Variants in PAN3 observed in about 807,000 individuals in gnomAD.
The protein encoded by PAN3 is PAN2-PAN3 deadenylation complex subunit PAN3.
PAN3 carries 19 observed loss-of-function variants against 96.2 expected under a neutral mutation model. The observed-to-expected ratio is 0.20, with a 90% confidence interval of 0.14 to 0.29. The LOEUF is 0.29. Among genes scored for constraint, PAN3 ranks in the 10% least tolerant of loss-of-function variants. The pLI, the probability that PAN3 is intolerant of heterozygous loss-of-function variation, is 1.00. For missense variants in PAN3, 882 were observed against 1,108.1 expected, an observed-to-expected ratio of 0.80 and a Z score of 2.90; for synonymous variants, 433 against 406.6, an observed-to-expected ratio of 1.06 and a Z score of -0.78.
At chr13:28,175,613 T>C (rs1382219217) in intron 2 of PAN3, among the ~76,000 whole-genome samples, 1 of 152,192 alleles carries the variant, frequency 6.6e-6, no homozygotes, top group African/African-American at 2.4e-5. Flanking sequence ...ACCAATGCTT[T>C]TTTGAATTAT....
chr13:28,141,376 A>G (rs1869783179), intron 1 of PAN3, among the ~76,000 whole-genome samples: 1 of 151,796 alleles, frequency 6.6e-6, no homozygotes, highest in South Asian at 2.1e-4. Flanking sequence ...TTTTTAAAAA[A>G]AACTTTTAAA....
chr13:28,261,935 T>A (rs1337516339), intron 9 of PAN3, among the ~76,000 whole-genome samples: 1 of 151,968 alleles, frequency 6.6e-6, no homozygotes, highest in African/African-American at 2.4e-5. Flanking sequence ...AAAAAAAGTA[T>A]ATAATTTTAG....
intron 9 of PAN3, among the ~76,000 whole-genome samples, chr13:28,262,291 G>T (rs1261496879): frequency 6.6e-6 from 1 of 152,086 alleles, no homozygotes; most frequent in Admixed American, 6.5e-5. Flanking sequence ...GCGTATTAAA[G>T]TATCTTTCCT....
At chr13:28,274,732 T>TC (rs1391872231) in intron 14 of PAN3, among the ~76,000 whole-genome samples, 1 of 152,230 alleles carries the variant, frequency 6.6e-6, no homozygotes, top group Admixed American at 6.5e-5. Flanking sequence ...TTTATTTTTT[T>TC]CAGCATTAAA....
intron 6 of PAN3, among the ~76,000 whole-genome samples, chr13:28,249,391 C>T (rs1276896172): frequency 2.0e-5 from 3 of 151,908 alleles, no homozygotes; most frequent in Admixed American, 2.0e-4. Flanking sequence ...ACCATTCATG[C>T]TTTAACTAAG....
At chr13:28,272,820 C>T (rs1296687432) in intron 14 of PAN3, among the ~76,000 whole-genome samples, 2 of 152,126 alleles carry the variant, frequency 1.3e-5, no homozygotes, top group African/African-American at 4.8e-5. Flanking sequence ...CCGCCTGCCT[C>T]GGCCTCCCAA....
chr13:28,263,034 TC>T (rs1161887630), intron 9 of PAN3, among the ~76,000 whole-genome samples: 1 of 152,176 alleles, frequency 6.6e-6, no homozygotes, highest in African/African-American at 2.4e-5. Context: ...AAGCATAACT[TC>T]CAGTCAAATC....
chr13:28,207,192 A>G (rs1212353885), intron 5 of PAN3, among the ~76,000 whole-genome samples: 1 of 152,156 alleles, frequency 6.6e-6, no homozygotes, highest in Non-Finnish European at 1.5e-5. Flanking sequence ...TTGGTTATTG[A>G]TATCATTTGG....
chr13:28,222,003 A>C (rs1173974785), intron 6 of PAN3, among the ~76,000 whole-genome samples: 1 of 152,206 alleles, frequency 6.6e-6, no homozygotes, highest in African/African-American at 2.4e-5. Context: ...CCATATAGCA[A>C]TCAGAAAACT....
intron 6 of PAN3, among the ~76,000 whole-genome samples, chr13:28,229,543 A>T (rs1882323064): frequency 6.6e-6 from 1 of 152,144 alleles, no homozygotes; most frequent in Non-Finnish European, 1.5e-5. Context: ...AAGTTATGTG[A>T]TTACTTAGAT....
At chr13:28,191,809 A>G (rs748504862) in intron 4 of PAN3, among the ~76,000 whole-genome samples, 5 of 152,032 alleles carry the variant, frequency 3.3e-5, no homozygotes, top group Non-Finnish European at 5.9e-5. Context: ...GAGATGAGAC[A>G]TGTCACTGCA....
chr13:28,260,674 G>A (rs186876667), intron 8 of PAN3, 123 bp downstream of exon 8: 215 of 735,506 alleles, frequency 2.9e-4, no homozygotes, highest in African/African-American at 2.4e-3. Context: ...AAAGCACATC[G>A]AATTTAGAAG....
chr13:28,215,051 T>C, intron 5 of PAN3: 1 of 1,076,764 alleles, frequency 9.3e-7, no homozygotes, highest in Non-Finnish European at 1.4e-6. Flanking sequence ...CTTATATTAA[T>C]AAAATTGGCT....
At chr13:28,169,771 G>A (rs980979454) in intron 1 of PAN3, among the ~76,000 whole-genome samples, 3 of 151,840 alleles carry the variant, frequency 2.0e-5, no homozygotes, top group Admixed American at 6.6e-5. Context: ...ATTTTAGGCC[G>A]GGCACAGTGG....
chr13:28,220,778 ATAATT>A (rs995223311), intron 6 of PAN3, among the ~76,000 whole-genome samples: 25 of 152,330 alleles, frequency 1.6e-4, no homozygotes, highest in African/African-American at 5.8e-4. Flanking sequence ...TTTCTAAAAA[ATAATT>A]TAATCATTCT....
chr13:28,276,363 G>T (rs1032601652), intron 14 of PAN3, among the ~76,000 whole-genome samples: 5 of 152,192 alleles, frequency 3.3e-5, no homozygotes, highest in African/African-American at 1.2e-4. Flanking sequence ...GCTTCAGGTG[G>T]TTTCATGTTA....
intron 5 of PAN3, among the ~76,000 whole-genome samples, chr13:28,213,887 C>T (rs1251789494): frequency 6.6e-6 from 1 of 152,126 alleles, no homozygotes; most frequent in Non-Finnish European, 1.5e-5. Context: ...GATACCACTA[C>T]ACACCTATTA....
intron 6 of PAN3, among the ~76,000 whole-genome samples, chr13:28,224,553 T>A (rs1252086416): frequency 1.3e-5 from 2 of 152,248 alleles, no homozygotes; most frequent in African/African-American, 4.8e-5. Context: ...TCAGCATTTG[T>A]CAATATTCAT....
chr13:28,210,467 A>G (rs565470197), intron 5 of PAN3, among the ~76,000 whole-genome samples: 2 of 152,088 alleles, frequency 1.3e-5, no homozygotes, highest in Non-Finnish European at 2.9e-5. Context: ...GTCTCCACCA[A>G]TTTTATCTGA....
Sources: gnomAD v4.1 joint callset for allele counts (sites outside exome capture counted in the v4.1 genomes callset) on GRCh38, gnomAD v4.1.1 for gene constraint, MANE v1.5 for transcripts, NCBI Gene and HGNC (gene_info 2026-07-23, HGNC 2026-07-21) for gene names.